LRP1B: variants seen among roughly 807,000 people sequenced by gnomAD.
The protein encoded by LRP1B is low-density lipoprotein receptor-related protein 1B.
LRP1B carries 217 observed loss-of-function variants against 556.6 expected under a neutral mutation model. The ratio of observed to expected loss-of-function variants is 0.39; its 90% confidence interval spans 0.35 to 0.44. The LOEUF (loss-of-function observed/expected upper bound fraction) is 0.44. LRP1B is among the 20% of genes least tolerant of loss of function. The pLI, the probability that LRP1B is intolerant of heterozygous loss-of-function variation, is 1.00. For missense variants in LRP1B, 5,053 were observed against 5,620.8 expected (o/e 0.90, Z 3.23); for synonymous variants, 2,047 against 1,865.8 (o/e 1.10, Z -2.50).
chr2:140,408,069 A>G (rs957380890), intron 66 of LRP1B, among the ~76,000 whole-genome samples: 5 of 152,072 alleles, frequency 3.3e-5, no homozygotes, highest in African/African-American at 1.2e-4. Context: ...TAAGTGAAGT[A>G]ACTCAGTAAT....
intron 3 of LRP1B, among the ~76,000 whole-genome samples, chr2:141,332,667 T>C (rs142687121): frequency 2.0e-5 from 3 of 151,742 alleles, no homozygotes; most frequent in Admixed American, 6.6e-5. Context: ...CTACTTCTGA[T>C]GAGTATTTCT....
intron 82 of LRP1B, among the ~76,000 whole-genome samples, chr2:140,315,309 ATTC>A (rs1446170185): frequency 1.8e-4 from 28 of 152,170 alleles, no homozygotes; most frequent in Admixed American, 5.9e-4. Flanking sequence ...ATTAATGTGT[ATTC>A]TTCTTTAAAT....
intron 1 of LRP1B, among the ~76,000 whole-genome samples, chr2:141,904,657 T>C (rs1036258337): frequency 6.6e-6 from 1 of 151,950 alleles, no homozygotes; most frequent in East Asian, 1.9e-4. Context: ...CTAAATGGTA[T>C]CGCCTATGGA....
chr2:141,859,439 G>A (rs532985347), intron 1 of LRP1B, among the ~76,000 whole-genome samples: 1 of 152,208 alleles, frequency 6.6e-6, no homozygotes, highest in South Asian at 2.1e-4. Context: ...CAGGAATTGG[G>A]ACTTCATGAT....
intron 1 of LRP1B, among the ~76,000 whole-genome samples, chr2:141,917,473 T>G (rs1442363055): frequency 6.6e-6 from 1 of 152,244 alleles, no homozygotes; most frequent in Non-Finnish European, 1.5e-5. Context: ...TAGTTTTTTC[T>G]GGAACATCAC....
intron 66 of LRP1B, among the ~76,000 whole-genome samples, chr2:140,404,602 G>T (rs1037805461): frequency 6.6e-6 from 1 of 152,014 alleles, no homozygotes; most frequent in African/African-American, 2.4e-5. Flanking sequence ...GAATGTAAAT[G>T]GCCTAAATGC....
chr2:140,447,117 C>T (rs1686693720), intron 63 of LRP1B, among the ~76,000 whole-genome samples: 1 of 151,938 alleles, frequency 6.6e-6, no homozygotes, highest in Non-Finnish European at 1.5e-5. Flanking sequence ...TAAGATATCA[C>T]CTTATACCTG....
At chr2:140,616,484 CT>C (rs11416942) in intron 41 of LRP1B, among the ~76,000 whole-genome samples, 228 of 140,466 alleles carry the variant, frequency 1.6e-3, no homozygotes, top group Middle Eastern at 3.6e-3. Flanking sequence ...GTGACTCAGT[CT>C]TTTTTTTTTT....
chr2:141,319,477 T>G (rs116835152), intron 3 of LRP1B, among the ~76,000 whole-genome samples: 1 of 151,826 alleles, frequency 6.6e-6, no homozygotes, highest in African/African-American at 2.4e-5. Flanking sequence ...TACACTGAAG[T>G]TGAGGTGAGG....
At chr2:141,372,063 T>C (rs1363607340) in intron 3 of LRP1B, among the ~76,000 whole-genome samples, 1 of 152,184 alleles carries the variant, frequency 6.6e-6, no homozygotes, top group Non-Finnish European at 1.5e-5. Context: ...TGAAGATTTT[T>C]ATTATGAAAA....
chr2:141,495,058 A>G (rs1683466053), intron 2 of LRP1B, among the ~76,000 whole-genome samples: 1 of 152,048 alleles, frequency 6.6e-6, no homozygotes, highest in Non-Finnish European at 1.5e-5. Flanking sequence ...ACAAAACTGT[A>G]ACAATAGAAA....
intron 43 of LRP1B, among the ~76,000 whole-genome samples, chr2:140,556,609 T>C (rs1680743403): frequency 6.6e-6 from 1 of 152,158 alleles, no homozygotes; most frequent in Non-Finnish European, 1.5e-5. Context: ...TTACTGTGTC[T>C]TTTGTTATAA....
chr2:140,591,314 T>G (rs1428354914), intron 43 of LRP1B, among the ~76,000 whole-genome samples: 1 of 152,196 alleles, frequency 6.6e-6, no homozygotes, highest in Non-Finnish European at 1.5e-5. Context: ...CAGTTCTATC[T>G]ATTCAATTGG....
intron 31 of LRP1B, among the ~76,000 whole-genome samples, chr2:140,815,475 T>C (rs77171569): frequency 6.7e-6 from 1 of 149,068 alleles, no homozygotes; most frequent in Non-Finnish European, 1.5e-5. Context: ...CCTAGTTCTA[T>C]TTTTTTTTCT....
intron 1 of LRP1B, among the ~76,000 whole-genome samples, chr2:142,129,576 TTCTCTCTTTCTCTCTCTCTCTCTC>T (rs1707774527): frequency 3.6e-5 from 4 of 111,160 alleles, no homozygotes; most frequent in South Asian, 3.3e-4. Context: ...CTGGGTTTCT[TTCTCTCTTTCTCTCTCTCTCTCTC>T]TCTCTCTCTC....
chr2:140,507,895 C>CT (rs1345332833), intron 52 of LRP1B, among the ~76,000 whole-genome samples: 2 of 151,974 alleles, frequency 1.3e-5, no homozygotes, highest in Non-Finnish European at 2.9e-5. Flanking sequence ...GCATCTGTTT[C>CT]TTTATCTGTT....
chr2:140,980,364 C>T (rs992876983), intron 18 of LRP1B, among the ~76,000 whole-genome samples: 2 of 152,132 alleles, frequency 1.3e-5, no homozygotes, highest in Admixed American at 6.6e-5. Flanking sequence ...TATAGGACCA[C>T]ACAATTAGTC....
At chr2:141,663,075 T>C (rs763194026) in intron 2 of LRP1B, among the ~76,000 whole-genome samples, 2 of 152,188 alleles carry the variant, frequency 1.3e-5, no homozygotes, top group African/African-American at 2.4e-5. Flanking sequence ...AACAACCTGC[T>C]CCTGAATGAC....
chr2:141,945,397 A>G (rs990789070), intron 1 of LRP1B, among the ~76,000 whole-genome samples: 5 of 152,118 alleles, frequency 3.3e-5, no homozygotes, highest in Admixed American at 6.6e-5. Context: ...AAAATGTTGA[A>G]GTTAACTTTT....
Sources: allele counts gnomAD v4.1 joint callset (sites outside exome capture counted in the v4.1 genomes callset), GRCh38; gene constraint gnomAD v4.1.1; transcripts MANE v1.5; gene names NCBI Gene and HGNC (gene_info 2026-07-23, HGNC 2026-07-21).